Variants in FKBP15 observed in about 807,000 individuals in gnomAD.
FKBP15 encodes the protein FKBP prolyl isomerase family member 15.
Under a neutral mutation model 158.1 loss-of-function variants are expected in FKBP15, and 106 were observed. The ratio of observed to expected loss-of-function variants is 0.67; its 90% CI spans 0.57 to 0.79. FKBP15 has a LOEUF of 0.79. FKBP15 is among the 30% of genes least tolerant of loss of function. The pLI is 0.00. For synonymous variants in FKBP15, 547 were observed against 548.6 expected (o/e 1.00, Z 0.04); for missense variants, 1,287 against 1,479.1 (o/e 0.87, Z 2.13).
At chr9:113,206,339 T>G in intron 4 of FKBP15, 170 bp downstream of exon 4, 1 of 588,160 alleles carries the variant, frequency 1.7e-6, no homozygotes, top group Non-Finnish European at 3.0e-6. Flanking sequence ...CGCACAATAG[T>G]AAGCAAAATG....
chr9:113,171,646 C>G lies in FKBP15; in HGVS notation c.2593G>C (p.Glu865Gln), dbSNP rs764371388. 6 of 1,603,738 alleles carry G rather than the reference C, an allele frequency of 3.7e-6. No individual in the cohort carries two copies. In the Admixed American group the frequency reaches 8.6e-5, roughly 23 times the overall value. ...LTKQNEQHIK[E>Q]LEKNKSQMSG... Reference sequence around the variant, plus strand: ...ATCTGGGACTTGTTCTTCTCTAGTTCCTTGATGTGCTGTTCATTTTGCTTG... The same window carrying G: ...ATCTGGGACTTGTTCTTCTCTAGTTGCTTGATGTGCTGTTCATTTTGCTTG... Residue 865 changes from glutamate (E) to glutamine (Q), a missense_variant, in exon 24 of 28, where the codon GAA becomes CAA. Glu to Gln is a conservative substitution (Grantham distance 29, BLOSUM62 2). Transcript: ENST00000238256.
intron 2 of FKBP15, among the ~76,000 whole-genome samples, chr9:113,207,590 A>G (rs370424968): frequency 6.6e-6 from 1 of 151,888 alleles, no homozygotes; most frequent in South Asian, 2.1e-4. Flanking sequence ...CACCTGCCTC[A>G]GCCTCCCAAA....
chr9:113,198,911 T>A lies in FKBP15; in HGVS notation c.661A>T (p.Thr221Ser). 2 of 1,602,874 alleles carry A rather than the reference T, an allele frequency of 1.2e-6. No homozygotes were observed. Among genetic ancestry groups the A allele is most frequent in the Non-Finnish European group, 8.5e-7 (1 of 1,174,206 alleles). The change falls in exon 8 of 28, where the codon ACT (threonine) becomes TCT (serine). Residue 221 changes from threonine (T) to serine (S), a missense_variant. Coordinates refer to ENST00000238256, the MANE Select transcript of FKBP15 (RefSeq NM_015258.2). The surrounding 1 kb of genome is among the most constrained non-coding windows in gnomAD (Gnocchi z 5.2). The stretch of plus-strand genomic sequence containing the variant: ...CGAAGCAACTTATCTTTGTTAGCAG[T>A]GGAGTCGAAAACCTGCAATTTGATC... ...NHVLGQVFDS[T>S]ANKDKLLRLK... is the part of the protein sequence containing the mutation.
At chr9:113,176,058 T>C (rs1018652255) in intron 21 of FKBP15, among the ~76,000 whole-genome samples, 4 of 152,214 alleles carry the variant, frequency 2.6e-5, no homozygotes, top group African/African-American at 9.6e-5. Context: ...AGTTATATAA[T>C]ATGAGAATGT....
intron 27 of FKBP15, among the ~76,000 whole-genome samples, chr9:113,166,904 C>T (rs1830107567): frequency 6.6e-6 from 1 of 152,164 alleles, no homozygotes; most frequent in Admixed American, 6.5e-5. Flanking sequence ...CAGACAGGCA[C>T]GAACTGAATA....
chr9:113,198,765 T>G lies in FKBP15; in HGVS notation c.717+90A>C. On this transcript the variant is annotated intron_variant, in intron 8 of 27. Coordinates refer to ENST00000238256, the MANE Select transcript of FKBP15 (RefSeq NM_015258.2). This position sits in a 1 kb window ranked among gnomAD's most constrained non-coding sequence, Gnocchi z 5.2. Reference sequence around the variant, plus strand: ...GAAACTCCGTCTCAAAAAATAAAAATAAAATAAAAAAAGGAATTCCACAAA... The same window carrying G: ...GAAACTCCGTCTCAAAAAATAAAAAGAAAATAAAAAAAGGAATTCCACAAA... The G allele has an allele frequency of 1.1e-6, 1 of 947,746 alleles. No homozygotes were observed. The highest frequency in any genetic ancestry group is 1.7e-5 in the South Asian group (1 of 60,484). 58.7% of individuals were successfully genotyped at this position (947,746 alleles called of 1,614,324 possible). A position where few individuals can be genotyped will look rare whatever the true frequency, so the allele number is the denominator to read the frequency against.
rs1030799483 is a variant in FKBP15, at chr9:113,173,353, A to T, written c.2532+100T>A. ...AGTGTGGTTTTGTCTTCTAGATATTAATAACTTTCAGGCTTAGAAGGATCG... is the reference window on the plus strand; with the variant it reads ...AGTGTGGTTTTGTCTTCTAGATATTTATAACTTTCAGGCTTAGAAGGATCG... On this transcript the variant is annotated intron_variant, in intron 23 of 27. Coordinates refer to ENST00000238256, the MANE Select transcript of FKBP15 (RefSeq NM_015258.2). 1.3e-5 allele frequency: 16 copies of T among 1,257,360 alleles called. No homozygotes were observed. The African/African-American group carries it at 2.4e-4, about 19-fold the overall frequency. The allele number at this position is 1,257,360 out of a possible 1,614,324, so 77.9% of individuals were successfully genotyped here.
Position 113,196,951 on chromosome 9 carries a change from A to T in FKBP15, c.845T>A (p.Phe282Tyr), listed in dbSNP as rs1289545082. Residue 282 changes from phenylalanine (F) to tyrosine (Y), a missense_variant, in exon 9 of 28, where the codon TTC becomes TAC. Coordinates refer to ENST00000238256, the MANE Select transcript of FKBP15 (RefSeq NM_015258.2). ...ACTCACCCGCCTAACCTCCACCTCG[A>T]ACACCAGGATCGAGTCCGTTGCTTG... Reference protein sequence around the residue: ...WTQATDSILVFEVEVRRVKFA... With the variant: ...WTQATDSILVYEVEVRRVKFA... The T allele has an allele frequency of 6.2e-7, 1 of 1,613,816 alleles. No homozygotes were observed. The highest frequency in any genetic ancestry group is 1.3e-5 in the African/African-American group (1 of 74,918).
In FKBP15 at chr9:113,163,178, TA is replaced by T; in HGVS notation, c.*2899del. ...GCTGTGACCAAAGGGAGAATGGAGA[TA>T]ACAGGGGTGGCAGGGTTACTGAGCC... On this transcript the variant is annotated 3_prime_UTR_variant, in exon 28 of 28. Coordinates refer to ENST00000238256, the MANE Select transcript of FKBP15 (RefSeq NM_015258.2). 3.3e-6 allele frequency: 1 copy of T among 301,686 alleles called. No individual in the cohort carries two copies. The highest frequency in any genetic ancestry group is 6.1e-6 in the Non-Finnish European group (1 of 164,110). The allele number at this position is 301,686 out of a possible 1,614,324, so 18.7% of individuals were successfully genotyped here.
chr9:113,183,138 G>C (rs1431116719), intron 18 of FKBP15, among the ~76,000 whole-genome samples: 1 of 152,140 alleles, frequency 6.6e-6, no homozygotes, highest in Non-Finnish European at 1.5e-5. Flanking sequence ...GTAGGAAAGA[G>C]ACAGGAGTAA....
chr9:113,170,438 A>G, intron 25 of FKBP15, 84 bp downstream of exon 25: 2 of 1,043,390 alleles, frequency 1.9e-6, no homozygotes, highest in South Asian at 1.3e-5. Flanking sequence ...GCTTTGAACA[A>G]TTTTTTATTC....
chr9:113,217,240 T>C (rs1359091312), intron 1 of FKBP15, among the ~76,000 whole-genome samples: 1 of 125,986 alleles, frequency 7.9e-6, no homozygotes, highest in East Asian at 2.6e-4. Flanking sequence ...TGAGACGGAG[T>C]CTTGCTTTGT....
rs1428091028 is a variant in FKBP15, at chr9:113,182,671, A to C, written c.1914+95T>G. 1.1e-5 allele frequency: 10 copies of C among 916,726 alleles called. No individual in the cohort carries two copies. The East Asian group carries it at 1.9e-4, about 18-fold the overall frequency. The allele number at this position is 916,726 out of a possible 1,614,324, so 56.8% of individuals were successfully genotyped here. On this transcript the variant is annotated intron_variant, in intron 19 of 27. Transcript: ENST00000238256. ...AGTTCTTTTTGCAGTGACTGCAAAA[A>C]TTCTGTTGGAAAGCCGACTGGTGAG...
Position 113,169,793 on chromosome 9 carries a change from C to A in FKBP15, c.2916G>T (p.Leu972=), listed in dbSNP as rs1391720965. 4.4e-6 allele frequency: 7 copies of A among 1,589,416 alleles called. No individual in the cohort carries two copies. The highest frequency in any genetic ancestry group is 6.0e-6 in the Non-Finnish European group (7 of 1,167,336). Residue 972 remains leucine (L), a synonymous_variant, in exon 26 of 28, where the codon CTG becomes CTT. Transcript: ENST00000238256. The stretch of plus-strand genomic sequence containing the variant: ...TGGGGGACTCTGGCCTCTCCCTATT[C>A]AGGGGTGCTTGAGGCTGCCCAGAAC... ...SASSGQPQAP[L]NRERPESPMV...
chr9:113,201,850 C>T (rs959453635), intron 6 of FKBP15, among the ~76,000 whole-genome samples: 3 of 152,204 alleles, frequency 2.0e-5, no homozygotes, highest in African/African-American at 7.2e-5. Flanking sequence ...ATGAATTATA[C>T]ATTTTTAAAT....
rs750040556 is a variant in FKBP15, at chr9:113,161,651, G to T, written c.*4427C>A. The T allele has an allele frequency of 1.2e-6, 2 of 1,613,990 alleles. No individual in the cohort carries two copies. The highest frequency in any genetic ancestry group is 1.7e-6 in the Non-Finnish European group (2 of 1,179,902). ...AGCAGACCATCGCAGAGACAGACGGGGACTCTGCAGGCTCAGATTCATTCC... is the reference window on the plus strand; with the variant it reads ...AGCAGACCATCGCAGAGACAGACGGTGACTCTGCAGGCTCAGATTCATTCC... On this transcript the variant is annotated 3_prime_UTR_variant, in exon 28 of 28. Transcript: ENST00000238256.
chr9:113,167,814 T>A (rs1286960717), intron 27 of FKBP15, among the ~76,000 whole-genome samples: 1 of 152,184 alleles, frequency 6.6e-6, no homozygotes, highest in African/African-American at 2.4e-5. Flanking sequence ...GAACCGGGGT[T>A]CTAATTCAGT....
At chr9:113,180,602 T>G (rs1830379398) in intron 19 of FKBP15, among the ~76,000 whole-genome samples, 2 of 151,578 alleles carry the variant, frequency 1.3e-5, no homozygotes, top group Non-Finnish European at 2.9e-5. Context: ...AGAAAAACAG[T>G]GAAAAAAAGC....
In FKBP15 at chr9:113,161,034, T is replaced by C. The variant is rs1407819266; in HGVS notation, c.*5044A>G. 6.5e-6 allele frequency: 1 copy of C among 152,828 alleles called. No individual in the cohort carries two copies. The highest frequency in any genetic ancestry group is 2.4e-5 in the African/African-American group (1 of 41,452). The allele number at this position is 152,828 out of a possible 1,614,324, so 9.5% of individuals were successfully genotyped here. A position where few individuals can be genotyped will look rare whatever the true frequency, so the allele number is the denominator to read the frequency against. On this transcript the variant is annotated 3_prime_UTR_variant, in exon 28 of 28. Transcript: ENST00000238256. ...TTTTGGTAAAATAATTTATTGGGTT[T>C]TTCCCCTATTATAAAAGTAATATAT...
Sources: gnomAD v4.1 joint callset for allele counts (sites outside exome capture counted in the v4.1 genomes callset) on GRCh38, gnomAD v4.1.1 for gene constraint, Gnocchi (gnomAD v3.1) non-coding constraint, MANE v1.5 for transcripts, NCBI Gene and HGNC (gene_info 2026-07-23, HGNC 2026-07-21) for gene names.